CCDC13: variants seen among roughly 807,000 people sequenced by gnomAD.
CCDC13 encodes the protein coiled-coil domain-containing protein 13.
In CCDC13, 70 loss-of-function variants were observed where a neutral mutation model predicts 87.3. That is an observed-to-expected ratio of 0.80 (90% CI 0.66 to 0.98). The LOEUF (loss-of-function observed/expected upper bound fraction) is 0.98, where lower values mean the gene tolerates loss of function less well. Among genes scored for constraint, CCDC13 ranks in the 50% least tolerant of loss-of-function variants. The probability of loss-of-function intolerance (pLI) is 0.00; values close to 1 mark genes in which losing one functional copy is unlikely to be tolerated. For missense variants in CCDC13, 842 were observed against 892.0 expected, an observed-to-expected ratio of 0.94 and a Z score of 0.71; for synonymous variants, 317 against 360.3, an observed-to-expected ratio of 0.88 and a Z score of 1.36.
At chr3:42,737,102 C>T (rs1277180679) in intron 9 of CCDC13, among the ~76,000 whole-genome samples, 2 of 152,018 alleles carry the variant, frequency 1.3e-5, no homozygotes, top group Non-Finnish European at 1.5e-5. Flanking sequence ...TGTGATGTTC[C>T]CCGCCCTGTG....
chr3:42,705,174 C>A (rs941203324), downstream of CCDC13, among the ~76,000 whole-genome samples: 3 of 152,176 alleles, frequency 2.0e-5, no homozygotes, highest in Non-Finnish European at 4.4e-5. Flanking sequence ...CGTAAAGGCA[C>A]ACCTGTGGGG....
At chr3:42,770,498 C>T (rs1181106632) in intron 1 of CCDC13, 3 of 152,212 alleles carry the variant, frequency 2.0e-5, no homozygotes, top group African/African-American at 7.2e-5. Flanking sequence ...CCAATCAGCT[C>T]TCTGTAAAAC....
At chr3:42,704,675 G>A (rs1387298969), downstream of CCDC13, 1 of 152,406 alleles carries the variant, frequency 6.6e-6, no homozygotes, top group African/African-American at 2.4e-5. Flanking sequence ...GAGGGCTAGG[G>A]AAGTCCCATG....
At position 42,726,944 on chromosome 3, in the gene CCDC13, C is replaced by G. The variant is rs1311533676; in HGVS notation, c.1718+3523G>C. Among the ~76,000 whole-genome samples, 3 of 152,060 alleles carry G rather than the reference C, an allele frequency of 2.0e-5. No individual in the cohort carries two copies. In the East Asian group the frequency reaches 5.8e-4, roughly 29 times the overall value. On this transcript the variant is annotated intron_variant, in intron 13 of 15. Coordinates refer to ENST00000310232, the MANE Select transcript of CCDC13 (RefSeq NM_144719.4). ...TGACAATAAAACTGATAGCAGATTT[C>G]TTTTTAGCAATAGTAGATGATAAAA...
chr3:42,723,705 A>C (rs1698619690), intron 13 of CCDC13, among the ~76,000 whole-genome samples: 1 of 152,224 alleles, frequency 6.6e-6, no homozygotes, highest in Non-Finnish European at 1.5e-5. Context: ...AGCACTGGTA[A>C]AATCAGTAGC....
intron 13 of CCDC13, among the ~76,000 whole-genome samples, chr3:42,727,232 C>T (rs1037511956): frequency 2.6e-5 from 4 of 151,896 alleles, no homozygotes; most frequent in African/African-American, 4.8e-5. Context: ...ATTAGCTGGG[C>T]GTAGTGGCTC....
intron 13 of CCDC13, among the ~76,000 whole-genome samples, chr3:42,723,120 C>T (rs933764168): frequency 3.9e-5 from 6 of 152,144 alleles, no homozygotes; most frequent in Non-Finnish European, 8.8e-5. Context: ...TCTTAATAAA[C>T]TTGCGTTTAC....
intron 13 of CCDC13, among the ~76,000 whole-genome samples, chr3:42,720,168 T>A (rs1476505991): frequency 1.3e-5 from 2 of 152,276 alleles, no homozygotes; most frequent in South Asian, 4.1e-4. Flanking sequence ...CCCCTAGCTA[T>A]GCAAAGATGG....
intron 13 of CCDC13, among the ~76,000 whole-genome samples, chr3:42,722,344 G>T (rs1698583413): frequency 6.6e-6 from 1 of 152,146 alleles, no homozygotes; most frequent in Non-Finnish European, 1.5e-5. Context: ...AAGGGATGGG[G>T]GGAAAATGTC....
At chr3:42,766,916 T>C (rs1489365251) in intron 1 of CCDC13, among the ~76,000 whole-genome samples, 1 of 152,136 alleles carries the variant, frequency 6.6e-6, no homozygotes, top group East Asian at 1.9e-4. Context: ...TTCAATTTGA[T>C]TAAGAACATC....
intron 4 of CCDC13, 75 bp from the exon 5 acceptor site, chr3:42,752,100 G>A: frequency 1.6e-6 from 2 of 1,263,646 alleles, no homozygotes; most frequent in South Asian, 2.5e-5. Context: ...TGGTGCCATT[G>A]TGTGTGTGGT....
chr3:42,765,962 C>T (rs926571405), intron 1 of CCDC13, among the ~76,000 whole-genome samples: 3 of 152,310 alleles, frequency 2.0e-5, no homozygotes, highest in African/African-American at 7.2e-5. Flanking sequence ...TCAGCTTTGC[C>T]TTCTGCAGAG....
At chr3:42,754,187 G>C (rs1057451460) in intron 3 of CCDC13, among the ~76,000 whole-genome samples, 3 of 152,176 alleles carry the variant, frequency 2.0e-5, no homozygotes, top group African/African-American at 7.2e-5. Context: ...GACAACTGGT[G>C]GAAAGCAAAC....
At chr3:42,771,592 A>G (rs1211278143) in intron 1 of CCDC13, among the ~76,000 whole-genome samples, 1 of 152,136 alleles carries the variant, frequency 6.6e-6, no homozygotes, top group Admixed American at 6.5e-5. Context: ...ATAGCTTTAC[A>G]AAAAATAAAA....
intron 1 of CCDC13, among the ~76,000 whole-genome samples, chr3:42,769,883 G>C (rs963242400): frequency 5.9e-5 from 9 of 152,242 alleles, no homozygotes; most frequent in African/African-American, 2.2e-4. Flanking sequence ...AATTTCTCAC[G>C]GGGCCTTAGC....
intron 9 of CCDC13, 79 bp downstream of exon 9, chr3:42,739,555 C>A: frequency 6.7e-7 from 1 of 1,487,738 alleles, no homozygotes. Flanking sequence ...TGAGTGAGGG[C>A]TCACTCTGGC....
At chr3:42,721,047 A>G (rs1271506962) in intron 13 of CCDC13, among the ~76,000 whole-genome samples, 1 of 152,234 alleles carries the variant, frequency 6.6e-6, no homozygotes, top group Non-Finnish European at 1.5e-5. Context: ...AAGCATTGTC[A>G]AATATGAAAT....
chr3:42,766,380 A>T (rs1699933007), intron 1 of CCDC13, among the ~76,000 whole-genome samples: 1 of 152,004 alleles, frequency 6.6e-6, no homozygotes, highest in Non-Finnish European at 1.5e-5. Context: ...GAGAGGGAAG[A>T]GGAAGAAGAG....
intron 3 of CCDC13, 27 bp from the exon 4 acceptor site, chr3:42,752,744 A>C: frequency 6.2e-7 from 1 of 1,612,792 alleles, no homozygotes; most frequent in Non-Finnish European, 8.5e-7. Context: ...GGTGAGGTCA[A>C]TTAAAAACAC....
Sources: gnomAD v4.1 joint callset for allele counts (sites outside exome capture counted in the v4.1 genomes callset) on GRCh38, gnomAD v4.1.1 for gene constraint, MANE v1.5 for transcripts, NCBI Gene and HGNC (gene_info 2026-07-23, HGNC 2026-07-21) for gene names.